The following OXCT1 variants were observed in gnomAD, a reference collection of about 807,000 sequenced individuals.
OXCT1 encodes the protein 3-oxoacid CoA-transferase 1, also known as succinyl-CoA:3-ketoacid coenzyme A transferase 1, mitochondrial.
A neutral mutation model predicts 69.6 loss-of-function variants in OXCT1; 27 were observed. The ratio of observed to expected loss-of-function variants is 0.39; its 90% CI spans 0.29 to 0.54. The LOEUF (loss-of-function observed/expected upper bound fraction) is 0.54, where lower values mean the gene tolerates loss of function less well. OXCT1 is among the 20% of genes least tolerant of loss of function. The pLI, the probability that OXCT1 is intolerant of heterozygous loss-of-function variation, is 0.72. For synonymous variants in OXCT1, 202 were observed against 217.8 expected, an observed-to-expected ratio of 0.93 and a Z score of 0.64; for missense variants, 437 against 650.2, an observed-to-expected ratio of 0.67 and a Z score of 3.57.
chr5:41,792,320 T>A (rs1745963034), intron 13 of OXCT1, among the ~76,000 whole-genome samples: 1 of 152,122 alleles, frequency 6.6e-6, no homozygotes, highest in Admixed American at 6.5e-5. Flanking sequence ...TCCACAACTA[T>A]CTCACTACAG....
chr5:41,867,324 G>A (rs7712911), intron 1 of OXCT1, among the ~76,000 whole-genome samples: 33,178 of 152,076 alleles, frequency 0.22, 3,746 homozygotes, highest in Middle Eastern at 0.3. Context: ...TTAAAATATT[G>A]AAAATAAAAC....
intron 7 of OXCT1, among the ~76,000 whole-genome samples, chr5:41,810,485 T>A (rs759777416): frequency 7.2e-5 from 11 of 152,006 alleles, no homozygotes; most frequent in Non-Finnish European, 1.5e-4. Context: ...CTATGAATAG[T>A]TCTCATGCCC....
chr5:41,761,716 G>A (rs1271242394), intron 14 of OXCT1, among the ~76,000 whole-genome samples: 3 of 152,110 alleles, frequency 2.0e-5, no homozygotes, highest in Non-Finnish European at 4.4e-5. Flanking sequence ...TAAGATGTAT[G>A]TTCTGTTGTG....
At chr5:41,811,904 T>A (rs1306919379) in intron 7 of OXCT1, among the ~76,000 whole-genome samples, 1 of 152,042 alleles carries the variant, frequency 6.6e-6, no homozygotes, top group Non-Finnish European at 1.5e-5. Context: ...TGAGGAATAT[T>A]TAAAGTGAGT....
chr5:41,795,638 G>A (rs746634898), intron 11 of OXCT1, among the ~76,000 whole-genome samples: 1 of 152,056 alleles, frequency 6.6e-6, no homozygotes, highest in Non-Finnish European at 1.5e-5. Context: ...AATAACTTCT[G>A]AGATGCTAAT....
chr5:41,801,220 C>T (rs533608124), intron 10 of OXCT1, 150 bp from the exon 11 acceptor site: 17 of 667,274 alleles, frequency 2.5e-5, no homozygotes, highest in Admixed American at 2.1e-4. Context: ...TCGGTTGTGT[C>T]CATGGCTCTG....
intron 12 of OXCT1, 79 bp downstream of exon 12, chr5:41,794,598 G>C (rs1746085835): frequency 2.3e-6 from 3 of 1,306,402 alleles, no homozygotes; most frequent in Admixed American, 3.5e-5. Flanking sequence ...CTGTGTTTCA[G>C]AGCCTTGCTA....
chr5:41,796,339 T>TA (rs1192321092), intron 11 of OXCT1, among the ~76,000 whole-genome samples: 1 of 152,154 alleles, frequency 6.6e-6, no homozygotes, highest in African/African-American at 2.4e-5. Flanking sequence ...GTGCCAAAGA[T>TA]AAGTCACCTG....
chr5:41,766,476 C>T (rs908229042), intron 13 of OXCT1, among the ~76,000 whole-genome samples: 1 of 150,328 alleles, frequency 6.7e-6, no homozygotes, highest in Non-Finnish European at 1.5e-5. Context: ...TTTCCTAATA[C>T]TAGAATTTTA....
intron 15 of OXCT1, among the ~76,000 whole-genome samples, chr5:41,747,951 G>A (rs1743585122): frequency 6.6e-6 from 1 of 152,048 alleles, no homozygotes; most frequent in Non-Finnish European, 1.5e-5. Context: ...CTGACTGCTG[G>A]AAAGGCTGGA....
intron 13 of OXCT1, among the ~76,000 whole-genome samples, chr5:41,784,361 G>A (rs1745550284): frequency 6.6e-6 from 1 of 152,144 alleles, no homozygotes; most frequent in Non-Finnish European, 1.5e-5. Flanking sequence ...ACGGGATGCA[G>A]AAGAACAAAC....
At chr5:41,808,216 T>C (rs1394030346) in intron 7 of OXCT1, among the ~76,000 whole-genome samples, 1 of 152,048 alleles carries the variant, frequency 6.6e-6, no homozygotes, top group Non-Finnish European at 1.5e-5. Flanking sequence ...CTCAACATTG[T>C]TGTGGTGAAA....
intron 16 of OXCT1, among the ~76,000 whole-genome samples, chr5:41,734,093 G>A (rs1403130153): frequency 6.6e-6 from 1 of 152,160 alleles, no homozygotes; most frequent in East Asian, 1.9e-4. Flanking sequence ...GCTTTTACTA[G>A]TTTTTTATTT....
Position 41,859,891 on chromosome 5 carries a change from T to TATATATATATATATGTA in OXCT1, c.278+1422_278+1423insTACATATATATATATAT, listed in dbSNP as rs1561135681. On this transcript the variant is annotated intron_variant, in intron 3 of 16. Coordinates refer to ENST00000196371, the MANE Select transcript of OXCT1 (RefSeq NM_000436.4). ...TATATATATATATATATATATGTAA[T>TATATATATATATATGTA]ATATATATATATATATACACACACA... 5.2e-4 allele frequency among the ~76,000 whole-genome samples: 59 copies of TATATATATATATATGTA among 114,134 alleles called. 1 individual carries two copies. Among genetic ancestry groups the TATATATATATATATGTA allele is most frequent in the Middle Eastern group, 5.0e-3 (1 of 202 alleles). 74.9% of individuals were successfully genotyped at this position (114,134 alleles called of 152,430 possible). A position where few individuals can be genotyped will look rare whatever the true frequency, so the allele number is the denominator to read the frequency against.
chr5:41,855,949 TAGAC>T (rs1561132800), intron 3 of OXCT1, among the ~76,000 whole-genome samples: 2 of 151,986 alleles, frequency 1.3e-5, no homozygotes, highest in African/African-American at 4.8e-5. Flanking sequence ...AACAGACAGA[TAGAC>T]AGCTTTGCAA....
chr5:41,855,011 A>C (rs541283080), intron 3 of OXCT1, among the ~76,000 whole-genome samples: 11 of 152,358 alleles, frequency 7.2e-5, no homozygotes, highest in Admixed American at 2.0e-4. Flanking sequence ...ATTATGGCCA[A>C]AATTGGAGCC....
intron 11 of OXCT1, among the ~76,000 whole-genome samples, chr5:41,796,467 G>A (rs1746185238): frequency 2.0e-5 from 3 of 152,130 alleles, no homozygotes; most frequent in Admixed American, 1.3e-4. Context: ...AAGGACCACA[G>A]GCAGTCTGAA....
chr5:41,831,207 G>A (rs1156897892), intron 7 of OXCT1, among the ~76,000 whole-genome samples: 1 of 152,162 alleles, frequency 6.6e-6, no homozygotes, highest in Non-Finnish European at 1.5e-5. Context: ...CTATGACCAT[G>A]CAATGAAAAA....
At chr5:41,829,114 A>G (rs948056966) in intron 7 of OXCT1, among the ~76,000 whole-genome samples, 3 of 152,030 alleles carry the variant, frequency 2.0e-5, no homozygotes, top group South Asian at 4.1e-4. Flanking sequence ...AGGAAGTTCT[A>G]TATTAGAGAA....
Sources: allele counts gnomAD v4.1 joint callset (sites outside exome capture counted in the v4.1 genomes callset), GRCh38; gene constraint gnomAD v4.1.1; transcripts MANE v1.5; gene names NCBI Gene and HGNC (gene_info 2026-07-23, HGNC 2026-07-21).